COL7A1: variants seen among roughly 807,000 people sequenced by gnomAD.
COL7A1 encodes the protein collagen alpha-1(VII) chain.
COL7A1 carries 296 observed loss-of-function variants against 456.2 expected under a neutral mutation model. That is an observed-to-expected ratio of 0.65 (90% CI 0.59 to 0.71). The LOEUF (loss-of-function observed/expected upper bound fraction) is 0.71, where lower values mean the gene tolerates loss of function less well. Among genes scored for constraint, COL7A1 ranks in the 30% least tolerant of loss-of-function variants. COL7A1 has a pLI of 0.00. For synonymous variants in COL7A1, 1,464 were observed against 1,525.9 expected (o/e 0.96, Z 0.95); for missense variants, 3,441 against 4,017.2 (o/e 0.86, Z 3.88).
chr3:48,583,943 C>T lies in COL7A1; in HGVS notation c.4235G>A (p.Gly1412Glu), dbSNP rs1474269891. ...AGGAGCAATGCCACCTTCACCTGGT[C>T]CAGGGGGACCCTGGGAGAGAACAGC... ...KGDRGERGPP[G>E]PGEGGIAPGE... is the part of the protein sequence containing the mutation. Residue 1412 changes from glycine to glutamate, a missense_variant, in exon 39 of 119, where the codon GGA becomes GAA. Around this residue, in one of 3 missense-constraint regions of COL7A1, gnomAD observed 2,084 missense variants for 2,501.3 expected, o/e 0.83. Transcript: ENST00000681320. This position sits in a 1 kb window ranked among gnomAD's most constrained non-coding sequence, Gnocchi z 5.1. 1 of 1,614,024 alleles carries T rather than the reference C, an allele frequency of 6.2e-7. No individual in the cohort carries two copies. Among genetic ancestry groups the T allele is most frequent in the South Asian group, 1.1e-5 (1 of 91,086 alleles).
chr3:48,583,416 G>A lies in COL7A1; in HGVS notation c.4414C>T (p.Pro1472Ser), dbSNP rs775987562. 15 of 1,614,046 alleles carry A rather than the reference G, an allele frequency of 9.3e-6. No homozygotes were observed. Among genetic ancestry groups the A allele is most frequent in the Non-Finnish European group, 1.3e-5 (15 of 1,180,018 alleles). The change falls in exon 42 of 119, where the codon CCT becomes TCT. Residue 1472 changes from proline to serine, a missense_variant. Physicochemically the swap from Pro to Ser is moderately conservative, Grantham distance 74 (BLOSUM62 -1). This residue lies in a region of COL7A1 where 2,084 missense variants were observed against 2,501.3 expected (regional missense o/e 0.83). Transcript: ENST00000681320. This position sits in a 1 kb window ranked among gnomAD's most constrained non-coding sequence, Gnocchi z 5.1. ...ACTTTGGGGCCAATAGCTCCAGGAG[G>A]TCCCCGTGGGCCCTGGAAGGGATGA... ...GSPGEQGPRG[P>S]PGAIGPKGDR...
In COL7A1 at chr3:48,568,639, C is replaced by A; in HGVS notation, c.7759-105G>T. 6.7e-7 allele frequency: 1 copy of A among 1,495,282 alleles called. No individual in the cohort carries two copies. The allele number at this position is 1,495,282 out of a possible 1,614,324, so 92.6% of individuals were successfully genotyped here. A position where few individuals can be genotyped will look rare whatever the true frequency, so the allele number is the denominator to read the frequency against. ...AGATGCTCAGCGGCCAGGGCCCAGG[C>A]CACACACAGATCCCGGGTGAACACA... On this transcript the variant is annotated intron_variant, in intron 104 of 118. Transcript: ENST00000681320. The surrounding 1 kb of genome is among the most constrained non-coding windows in gnomAD (Gnocchi z 5.2).
At position 48,591,637 on chromosome 3, in the gene COL7A1, TC is replaced by T. The variant is rs780815829; in HGVS notation, c.1507+35del. On this transcript the variant is annotated intron_variant, in intron 12 of 118. Transcript: ENST00000681320. This position sits in a 1 kb window ranked among gnomAD's most constrained non-coding sequence, Gnocchi z 7.0. ...AGAGGCAGCCTGGGGCTCCGACACCTCCCCCACTCACTGGCCCAGCCCACAG... is the reference window on the plus strand; with the variant it reads ...AGAGGCAGCCTGGGGCTCCGACACCTCCCCACTCACTGGCCCAGCCCACAG... The T allele has an allele frequency of 8.1e-6, 13 of 1,613,266 alleles. No homozygotes were observed. The East Asian group carries it at 2.7e-4, about 33-fold the overall frequency.
chr3:48,584,878 A>G (rs1192535684), intron 34 of COL7A1, 32 bp downstream of exon 34: 2 of 1,613,822 alleles, frequency 1.2e-6, no homozygotes, highest in Non-Finnish European at 1.7e-6. Context: ...CTGGGAAGAC[A>G]CTTAGAGAGC....
At chr3:48,576,848 CA>C (rs770709893) in intron 67 of COL7A1, 35 bp downstream of exon 67, 2 of 1,614,030 alleles carry the variant, frequency 1.2e-6, no homozygotes, top group Non-Finnish European at 8.5e-7. Flanking sequence ...GGGTCAGGGT[CA>C]GGGGTCAGAG....
Position 48,566,290 on chromosome 3 carries a change from C to G in COL7A1, c.8384G>C (p.Arg2795Pro). ...LTEDDIRGFV[R>P]QEMSQHCACQ... ...ACCACAGTGCTGACTCATCTCTTGG[C>G]GCACAAAGCCCCGGATGTCATCCTC... Residue 2795 changes from arginine to proline, a missense_variant, in exon 114 of 119, where the codon CGC becomes CCC. By Grantham distance (103) the Arg-to-Pro change is moderately radical (BLOSUM62 -2). Transcript: ENST00000681320. This position sits in a 1 kb window ranked among gnomAD's most constrained non-coding sequence, Gnocchi z 5.9. 1 of 1,603,220 alleles carries G rather than the reference C, an allele frequency of 6.2e-7. No homozygotes were observed.
At position 48,579,981 on chromosome 3, in the gene COL7A1, A is replaced by G; in HGVS notation, c.5124+50T>C. 6.2e-7 allele frequency: 1 copy of G among 1,613,570 alleles called. No homozygotes were observed. Among genetic ancestry groups the G allele is most frequent in the Non-Finnish European group, 8.5e-7 (1 of 1,179,574 alleles). ...ATGAGGGGACATGATGTGGAGCCAAAGGGGCAAGTGAGAACAATGACAGAG... is the reference window on the plus strand; with the variant it reads ...ATGAGGGGACATGATGTGGAGCCAAGGGGGCAAGTGAGAACAATGACAGAG... On this transcript the variant is annotated intron_variant, in intron 57 of 118. Transcript: ENST00000681320. This position sits in a 1 kb window ranked among gnomAD's most constrained non-coding sequence, Gnocchi z 4.4.
Position 48,566,365 on chromosome 3 carries a change from A to G in COL7A1, c.8359-50T>C, listed in dbSNP as rs2043605383. ...CATAAAGAACCCATGGCCCACAGGA[A>G]GGACATAGGGCACATAATACAGGGA... On this transcript the variant is annotated intron_variant, in intron 113 of 118. Transcript: ENST00000681320. The surrounding 1 kb of genome is among the most constrained non-coding windows in gnomAD (Gnocchi z 5.9). 1 of 1,604,722 alleles carries G rather than the reference A, an allele frequency of 6.2e-7. No homozygotes were observed. Among genetic ancestry groups the G allele is most frequent in the Non-Finnish European group, 8.5e-7 (1 of 1,174,932 alleles).
rs200381437 is a variant in COL7A1, at chr3:48,594,402, G to T, written c.232C>A (p.Arg78Ser). The change falls in exon 3 of 119, where the codon CGC becomes AGC. Residue 78 changes from arginine to serine, a missense_variant. Arg to Ser is a moderately radical substitution (Grantham distance 110). Coordinates refer to ENST00000681320, the MANE Select transcript of COL7A1 (RefSeq NM_000094.4). The surrounding 1 kb of genome is among the most constrained non-coding windows in gnomAD (Gnocchi z 5.5). ...FSGAASAQGV[R>S]FATVQYSDDP... is the part of the protein sequence containing the mutation. ...TCGCTGTACTGCACTGTGGCAAAGC[G>T]CACACCCTGTGCACTGGCTGCTCCA... The T allele has an allele frequency of 6.2e-7, 1 of 1,611,522 alleles. No individual in the cohort carries two copies. The highest frequency in any genetic ancestry group is 8.5e-7 in the Non-Finnish European group (1 of 1,180,030).
chr3:48,594,970 G>A lies in COL7A1; in HGVS notation c.85+105C>T, dbSNP rs903995491. The A allele has an allele frequency of 1.1e-6, 1 of 924,908 alleles. No homozygotes were observed. The highest frequency in any genetic ancestry group is 1.7e-6 in the Non-Finnish European group (1 of 600,630). 57.3% of individuals were successfully genotyped at this position (924,908 alleles called of 1,614,324 possible). On this transcript the variant is annotated intron_variant, in intron 2 of 118. Transcript: ENST00000681320. This position sits in a 1 kb window ranked among gnomAD's most constrained non-coding sequence, Gnocchi z 5.5. ...TAGGAGGAATCCGCGGGGCGTCGTGGAGTTGGCTGGGTTGTGGGCGGGGGG... is the reference window on the plus strand; with the variant it reads ...TAGGAGGAATCCGCGGGGCGTCGTGAAGTTGGCTGGGTTGTGGGCGGGGGG...
rs1172554685 is a variant in COL7A1, at chr3:48,566,369, C to T, written c.8359-54G>A. ...AAGAACCCATGGCCCACAGGAAGGACATAGGGCACATAATACAGGGACTAT... is the reference window on the plus strand; with the variant it reads ...AAGAACCCATGGCCCACAGGAAGGATATAGGGCACATAATACAGGGACTAT... On this transcript the variant is annotated intron_variant, in intron 113 of 118. Transcript: ENST00000681320. The surrounding 1 kb of genome is among the most constrained non-coding windows in gnomAD (Gnocchi z 5.9). The T allele has an allele frequency of 3.1e-6, 5 of 1,604,330 alleles. No individual in the cohort carries two copies. Among genetic ancestry groups the T allele is most frequent in the Middle Eastern group, 1.6e-4 (1 of 6,066 alleles).
In COL7A1 at chr3:48,568,827, C is replaced by A; in HGVS notation, c.7715G>T (p.Gly2572Val). Residue 2572 changes from glycine to valine, a missense_variant, in exon 104 of 119, where the codon GGC (glycine) becomes GTC (valine). Around this residue, in one of 3 missense-constraint regions of COL7A1, gnomAD observed 2,084 missense variants for 2,501.3 expected, o/e 0.83. Coordinates refer to ENST00000681320, the MANE Select transcript of COL7A1 (RefSeq NM_000094.4). This position sits in a 1 kb window ranked among gnomAD's most constrained non-coding sequence, Gnocchi z 5.2. ...ACGCAGTCCTGGCAACCCGGCTGAG[C>A]CCTTGTCACCAGGCTCTCCCTTGCT... ...KGSKGEPGDK[G>V]SAGLPGLRGL... 1 of 1,576,908 alleles carries A rather than the reference C, an allele frequency of 6.3e-7. No homozygotes were observed. The highest frequency in any genetic ancestry group is 1.3e-5 in the African/African-American group (1 of 74,472).
Position 48,575,454 on chromosome 3 carries a change from C to A in COL7A1, c.6065G>T (p.Gly2022Val), listed in dbSNP as rs1301653554. ...GGAAGGCCCGGGGGGGCCCCTCTCC[C>A]CAAGGGCCAGACCAGGTGGCCCCTG... ...GPQGPPGLAL[G>V]ERGPPGPSGL... is the part of the protein sequence containing the mutation. Residue 2022 changes from glycine to valine, a missense_variant, in exon 74 of 119, where the codon GGG (glycine) becomes GTG (valine). By Grantham distance (109) the Gly-to-Val change is moderately radical (BLOSUM62 -3). Coordinates refer to ENST00000681320, the MANE Select transcript of COL7A1 (RefSeq NM_000094.4). The surrounding 1 kb of genome is among the most constrained non-coding windows in gnomAD (Gnocchi z 6.3). 1.2e-6 allele frequency: 2 copies of A among 1,611,078 alleles called. No homozygotes were observed. The highest frequency in any genetic ancestry group is 1.7e-6 in the Non-Finnish European group (2 of 1,179,468).
Position 48,564,347 on chromosome 3 carries a change from G to A in COL7A1, c.*59C>T. On this transcript the variant is annotated 3_prime_UTR_variant, in exon 119 of 119. Transcript: ENST00000681320. This position sits in a 1 kb window ranked among gnomAD's most constrained non-coding sequence, Gnocchi z 6.0. Reference sequence around the variant, plus strand: ...TAGCACCAAGGGGAGGGACAGTGGGGTTCTGCTGAGACCCCGACTCCTCCA... The same window carrying A: ...TAGCACCAAGGGGAGGGACAGTGGGATTCTGCTGAGACCCCGACTCCTCCA... The A allele has an allele frequency of 1.9e-6, 3 of 1,600,946 alleles. No individual in the cohort carries two copies. Among genetic ancestry groups the A allele is most frequent in the South Asian group, 1.1e-5 (1 of 90,684 alleles).
Position 48,568,712 on chromosome 3 carries a change from C to T in COL7A1, c.7758+72G>A. On this transcript the variant is annotated intron_variant, in intron 104 of 118. Coordinates refer to ENST00000681320, the MANE Select transcript of COL7A1 (RefSeq NM_000094.4). This position sits in a 1 kb window ranked among gnomAD's most constrained non-coding sequence, Gnocchi z 5.2. ...CCAGAACCCCCAGCACTTAAGAGGA[C>T]CCCCAGGATATGTGTGTGTGTGATG... 1 of 1,511,118 alleles carries T rather than the reference C, an allele frequency of 6.6e-7. No homozygotes were observed. The highest frequency in any genetic ancestry group is 9.0e-7 in the Non-Finnish European group (1 of 1,111,576). 93.6% of individuals were successfully genotyped at this position (1,511,118 alleles called of 1,614,324 possible). A position where few individuals can be genotyped will look rare whatever the true frequency, so the allele number is the denominator to read the frequency against.
At position 48,574,212 on chromosome 3, in the gene COL7A1, C is replaced by T. The variant is rs539291417; in HGVS notation, c.6501+50G>A. The T allele has an allele frequency of 6.2e-7, 1 of 1,609,700 alleles. No homozygotes were observed. The highest frequency in any genetic ancestry group is 1.3e-5 in the African/African-American group (1 of 74,892). On this transcript the variant is annotated intron_variant, in intron 80 of 118. Transcript: ENST00000681320. This position sits in a 1 kb window ranked among gnomAD's most constrained non-coding sequence, Gnocchi z 5.0. Reference sequence around the variant, plus strand: ...ATGCACACACACAGCAGCAGCAGCACCTAGCGGAGGGTCCGGAGCCTGGGG... The same window carrying T: ...ATGCACACACACAGCAGCAGCAGCATCTAGCGGAGGGTCCGGAGCCTGGGG...
rs774344593 is a variant in COL7A1 at position 48,586,262 on chromosome 3, G to A, written c.3551-16C>T. Reference sequence around the variant, plus strand: ...ACATTAAGCCCTAAGGTGGGGTCCAGTGGCTGCATGATAGCCTTTTCAGGG... The same window carrying A: ...ACATTAAGCCCTAAGGTGGGGTCCAATGGCTGCATGATAGCCTTTTCAGGG... On this transcript the variant is annotated splice_polypyrimidine_tract_variant and intron_variant, in intron 27 of 118. Coordinates refer to ENST00000681320, the MANE Select transcript of COL7A1 (RefSeq NM_000094.4). This position sits in a 1 kb window ranked among gnomAD's most constrained non-coding sequence, Gnocchi z 5.1. 16 of 1,613,618 alleles carry A rather than the reference G, an allele frequency of 9.9e-6. 1 individual carries two copies. In the South Asian group the frequency reaches 1.6e-4, roughly 17 times the overall value.
chr3:48,593,148 G>C lies in COL7A1; in HGVS notation c.636C>G (p.Ser212=). The change falls in exon 6 of 119, where the codon TCC becomes TCG. Residue 212 remains serine (S), a synonymous_variant. Transcript: ENST00000681320. This position sits in a 1 kb window ranked among gnomAD's most constrained non-coding sequence, Gnocchi z 4.4. ...CACCAGCAGTCGTGCACACTCTCCG[G>C]GAAACGAGGGGCAGTAGTGTCCTCA... The part of the protein sequence containing the change: ...SILRTLLPLV[S]RRVCTTAGGV... 4 of 1,614,140 alleles carry C rather than the reference G, an allele frequency of 2.5e-6. No individual in the cohort carries two copies. The highest frequency in any genetic ancestry group is 1.3e-5 in the African/African-American group (1 of 75,018).
chr3:48,580,569 G>C lies in COL7A1; in HGVS notation c.5052+12C>G. ...TTAAGGTTGGGGTGAGGAGTCATAG[G>C]CTGGGACTCACATTTCGTCCATCCT... On this transcript the variant is annotated intron_variant, in intron 55 of 118. Transcript: ENST00000681320. The surrounding 1 kb of genome is among the most constrained non-coding windows in gnomAD (Gnocchi z 4.5). 6.2e-7 allele frequency: 1 copy of C among 1,613,178 alleles called. No homozygotes were observed. Among genetic ancestry groups the C allele is most frequent in the Non-Finnish European group, 8.5e-7 (1 of 1,179,422 alleles).
Sources: allele counts gnomAD v4.1 joint callset, GRCh38; gene constraint gnomAD v4.1.1; regional missense constraint gnomAD v4.1.1; non-coding constraint Gnocchi (gnomAD v3.1); transcripts MANE v1.5; gene names NCBI Gene and HGNC (gene_info 2026-07-23, HGNC 2026-07-21).